Variants in RNF17 observed in about 807,000 individuals in gnomAD.
RNF17 encodes the protein spermatogenesis associated 23.
RNF17 carries 31 observed loss-of-function variants against 200.5 expected under a neutral mutation model. The observed-to-expected ratio is 0.15, with a 90% CI of 0.12 to 0.21. RNF17 has a LOEUF of 0.21. Ranked by LOEUF, RNF17 falls within the 10% of genes least tolerant of loss-of-function variation. The probability of loss-of-function intolerance (pLI) is 1.00; values close to 1 mark genes in which losing one functional copy is unlikely to be tolerated. For missense variants in RNF17, 1,628 were observed against 1,905.1 expected (o/e 0.85, Z 2.71); for synonymous variants, 606 against 637.8 (o/e 0.95, Z 0.75).
chr13:24,863,547 T>C (rs564184809), intron 28 of RNF17, among the ~76,000 whole-genome samples: 15 of 152,184 alleles, frequency 9.9e-5, no homozygotes, highest in Admixed American at 7.8e-4. Context: ...TTGCAGGGCC[T>C]GAATGGGAAG....
At chr13:24,877,226 T>C (rs1894954987) in intron 34 of RNF17, 40 bp downstream of exon 34, 1 of 1,526,028 alleles carries the variant, frequency 6.6e-7, no homozygotes, top group African/African-American at 1.4e-5. Flanking sequence ...TAAAGCTATT[T>C]CTGTGTCGAT....
At chr13:24,875,876 T>A (rs1894805536) in intron 33 of RNF17, among the ~76,000 whole-genome samples, 1 of 152,248 alleles carries the variant, frequency 6.6e-6, no homozygotes, top group Non-Finnish European at 1.5e-5. Context: ...TTTGAGAAAG[T>A]TAGCGGAAGC....
intron 15 of RNF17, among the ~76,000 whole-genome samples, chr13:24,820,756 A>G (rs1160241298): frequency 6.6e-6 from 1 of 152,138 alleles, no homozygotes; most frequent in African/African-American, 2.4e-5. Flanking sequence ...GATTTCTAAT[A>G]TGAGAAACTG....
chr13:24,809,462 G>C (rs1428142650), intron 15 of RNF17, among the ~76,000 whole-genome samples: 1 of 152,094 alleles, frequency 6.6e-6, no homozygotes, highest in Non-Finnish European at 1.5e-5. Context: ...ATGGTAGTTT[G>C]TATTTCTGTG....
intron 32 of RNF17, among the ~76,000 whole-genome samples, chr13:24,872,445 C>T (rs965597970): frequency 1.3e-5 from 2 of 152,126 alleles, no homozygotes; most frequent in African/African-American, 2.4e-5. Context: ...AGGCGCATGC[C>T]ATCACTCTGA....
At chr13:24,773,762 G>A (rs910932406) in intron 2 of RNF17, among the ~76,000 whole-genome samples, 9 of 152,202 alleles carry the variant, frequency 5.9e-5, no homozygotes, top group Admixed American at 5.9e-4. Flanking sequence ...AGTGAAGTTA[G>A]AGGACATACT....
At chr13:24,768,884 G>GT (rs1314161809) in intron 2 of RNF17, among the ~76,000 whole-genome samples, 1 of 151,072 alleles carries the variant, frequency 6.6e-6, no homozygotes, top group African/African-American at 2.4e-5. Context: ...GTTAAATATG[G>GT]TTAAAAAAAA....
chr13:24,838,765 C>A (rs1193233026), intron 18 of RNF17, among the ~76,000 whole-genome samples: 6 of 152,152 alleles, frequency 3.9e-5, no homozygotes, highest in Admixed American at 3.9e-4. Flanking sequence ...TGGAACAAGA[C>A]AAGGATGCCC....
chr13:24,811,800 T>C (rs1886660757), intron 15 of RNF17, among the ~76,000 whole-genome samples: 2 of 152,064 alleles, frequency 1.3e-5, no homozygotes, highest in Admixed American at 1.3e-4. Context: ...TTGATGATGG[T>C]GATGTACAGA....
chr13:24,884,031 A>T (rs1953938057), downstream of RNF17: 2 of 1,614,068 alleles, frequency 1.2e-6, no homozygotes, highest in Non-Finnish European at 1.7e-6. Flanking sequence ...ATAAGTTTTT[A>T]ACAGTCTGGT....
At chr13:24,876,407 CT>C (rs554291186) in intron 33 of RNF17, among the ~76,000 whole-genome samples, 8 of 152,154 alleles carry the variant, frequency 5.3e-5, no homozygotes, top group Non-Finnish European at 1.5e-5. Context: ...ACATTTATCT[CT>C]TTGAGTACCT....
At chr13:24,815,430 TGTG>T (rs1887267611) in intron 15 of RNF17, among the ~76,000 whole-genome samples, 1 of 6,058 alleles carries the variant, frequency 1.7e-4, no homozygotes, top group African/African-American at 6.9e-4. Context: ...CCTAACGGGG[TGTG>T]TGTGTGTGTG....
chr13:24,749,303 C>CT, the RNF17 span, among the ~76,000 whole-genome samples: 9 of 31,968 alleles, frequency 2.8e-4, no homozygotes, highest in Middle Eastern at 0.013. Context: ...TTCTTTCTTT[C>CT]TTTCTTTTTT....
At chr13:24,801,923 C>T (rs1041750418) in intron 13 of RNF17, among the ~76,000 whole-genome samples, 2 of 152,046 alleles carry the variant, frequency 1.3e-5, no homozygotes, top group African/African-American at 2.4e-5. Context: ...GGTATATGCA[C>T]GTTGTACATT....
intron 22 of RNF17, among the ~76,000 whole-genome samples, chr13:24,848,404 G>A (rs769667271): frequency 1.3e-5 from 2 of 152,190 alleles, no homozygotes; most frequent in Admixed American, 6.5e-5. Context: ...GCCCACGCCT[G>A]TAAACCCAGC....
upstream of RNF17, chr13:24,764,014 T>C (rs954657485): frequency 4.1e-6 from 2 of 493,040 alleles, no homozygotes; most frequent in Non-Finnish European, 7.2e-6. Flanking sequence ...AAGGCGCCCC[T>C]TCTAGGAGTG....
rs1038471581 is a variant in RNF17 at position 24,779,760 on chromosome 13, C to T, written c.510+13C>T. On this transcript the variant is annotated intron_variant, in intron 5 of 35. Transcript: ENST00000255324. ...CATTGCTGGAAAAGTAAGCACTTTG[C>T]AGGATTAAATTCTATCATGAAGTGA... is the stretch of plus-strand genomic sequence containing the variant. 6.3e-7 allele frequency: 1 copy of T among 1,596,138 alleles called. No homozygotes were observed. Among genetic ancestry groups the T allele is most frequent in the South Asian group, 1.1e-5 (1 of 90,656 alleles).
At position 24,819,563 on chromosome 13, in the gene RNF17, C is replaced by A. The variant is rs970857454; in HGVS notation, c.2092-6056C>A. On this transcript the variant is annotated intron_variant, in intron 15 of 35. Coordinates refer to ENST00000255324, the MANE Select transcript of RNF17 (RefSeq NM_031277.3). Reference sequence around the variant, plus strand: ...TTTTTTATCATTACCATGGAGATTACATATAACATCCTAAAGTTATAACAA... The same window carrying A: ...TTTTTTATCATTACCATGGAGATTAAATATAACATCCTAAAGTTATAACAA... Among the ~76,000 whole-genome samples the A allele has an allele frequency of 3.9e-5, 6 of 152,116 alleles. No homozygotes were observed. In the East Asian group the frequency reaches 1.2e-3, roughly 29 times the overall value.
intron 16 of RNF17, among the ~76,000 whole-genome samples, chr13:24,828,705 G>T (rs745848920): frequency 6.6e-6 from 1 of 150,508 alleles, no homozygotes; most frequent in Non-Finnish European, 1.5e-5. Flanking sequence ...TCATAATTAT[G>T]TTCACTTTTC....
Sources: gnomAD v4.1 joint callset for allele counts (sites outside exome capture counted in the v4.1 genomes callset) on GRCh38, gnomAD v4.1.1 for gene constraint, MANE v1.5 for transcripts, NCBI Gene and HGNC (gene_info 2026-07-23, HGNC 2026-07-21) for gene names.